Variants in NEK7 observed in about 807,000 individuals in gnomAD.
NEK7 encodes serine/threonine-protein kinase Nek7.
In NEK7, 18 loss-of-function variants were observed where a neutral mutation model predicts 44.6. That is an observed-to-expected ratio of 0.40 (90% CI 0.28 to 0.60). The LOEUF (loss-of-function observed/expected upper bound fraction) is 0.60. Ranked by LOEUF, NEK7 falls within the 20% of genes least tolerant of loss-of-function variation. The probability of loss-of-function intolerance (pLI) is 0.38; values close to 1 mark genes in which losing one functional copy is unlikely to be tolerated. For missense variants in NEK7, 256 were observed against 366.5 expected (o/e 0.70, Z 2.46); for synonymous variants, 130 against 121.1 (o/e 1.07, Z -0.48).
chr1:198,167,734 T>G (rs1264052007), intron 1 of NEK7, among the ~76,000 whole-genome samples: 2 of 152,198 alleles, frequency 1.3e-5, no homozygotes, highest in African/African-American at 4.8e-5. Context: ...ATTACCTACC[T>G]GTAGTTCTCT....
intron 1 of NEK7, among the ~76,000 whole-genome samples, chr1:198,224,684 GTAAA>G (rs2102852981): frequency 6.6e-6 from 1 of 151,814 alleles, no homozygotes; most frequent in Admixed American, 6.6e-5. Context: ...TATGTTATTG[GTAAA>G]TAAATTAGTA....
intron 9 of NEK7, among the ~76,000 whole-genome samples, chr1:198,302,353 CTT>C (rs76569998): frequency 2.9e-4 from 40 of 139,096 alleles, no homozygotes; most frequent in Admixed American, 4.3e-4. Context: ...TGTCCCTCTC[CTT>C]TTTTTTTTTT....
chr1:198,226,519 T>C (rs1379015724), intron 1 of NEK7, among the ~76,000 whole-genome samples: 1 of 151,002 alleles, frequency 6.6e-6, no homozygotes, highest in Admixed American at 6.6e-5. Context: ...CATTCCAGCC[T>C]GGGCGACACA....
intron 5 of NEK7, among the ~76,000 whole-genome samples, chr1:198,271,113 A>G (rs535931168): frequency 2.0e-4 from 30 of 151,916 alleles, no homozygotes; most frequent in Non-Finnish European, 3.8e-4. Context: ...CCAGCAGGAG[A>G]GTTTCTCTGG....
intron 9 of NEK7, 144 bp from the exon 10 acceptor site, chr1:198,319,268 A>G: frequency 5.3e-6 from 3 of 568,272 alleles, no homozygotes; most frequent in Non-Finnish European, 9.4e-6. Flanking sequence ...CAGCAGTCTT[A>G]TATATATTTC....
intron 9 of NEK7, among the ~76,000 whole-genome samples, chr1:198,308,084 A>C (rs1655068126): frequency 6.6e-6 from 1 of 152,158 alleles, no homozygotes; most frequent in Admixed American, 6.5e-5. Flanking sequence ...TTTAAAAATA[A>C]TTGTTAAAAT....
At chr1:198,284,972 T>C (rs111964293) in intron 7 of NEK7, among the ~76,000 whole-genome samples, 2 of 152,280 alleles carry the variant, frequency 1.3e-5, no homozygotes, top group African/African-American at 2.4e-5. Context: ...TTCCTCAGTG[T>C]TGTGGGTACA....
intron 1 of NEK7, among the ~76,000 whole-genome samples, chr1:198,165,013 C>T (rs188314378): frequency 6.5e-4 from 99 of 152,314 alleles, no homozygotes; most frequent in African/African-American, 1.9e-3. Flanking sequence ...CGTCTTAAGA[C>T]GCATTTTCTT....
At chr1:198,222,609 C>G (rs995098904) in intron 1 of NEK7, among the ~76,000 whole-genome samples, 1 of 152,118 alleles carries the variant, frequency 6.6e-6, no homozygotes, top group Admixed American at 6.5e-5. Flanking sequence ...TCTAATCAGT[C>G]ACAAGTCCTA....
At chr1:198,299,190 A>C (rs745907016) in intron 9 of NEK7, among the ~76,000 whole-genome samples, 18 of 152,258 alleles carry the variant, frequency 1.2e-4, no homozygotes, top group South Asian at 4.1e-4. Flanking sequence ...GTTTCTAGGT[A>C]AATGTGGAAA....
chr1:198,182,799 G>C (rs1341141937), intron 1 of NEK7, among the ~76,000 whole-genome samples: 1 of 152,094 alleles, frequency 6.6e-6, no homozygotes, highest in Non-Finnish European at 1.5e-5. Flanking sequence ...AAAAAAAACT[G>C]TGTTGGATAT....
intron 1 of NEK7, among the ~76,000 whole-genome samples, chr1:198,190,864 T>C (rs1224550886): frequency 6.6e-6 from 1 of 152,034 alleles, no homozygotes; most frequent in Non-Finnish European, 1.5e-5. Context: ...TCTAGACTAG[T>C]AGAAGGATTT....
rs1447390581 is a variant in NEK7, at chr1:198,281,618, T to C, written c.589+2557T>C. On this transcript the variant is annotated intron_variant, in intron 7 of 9. Coordinates refer to ENST00000367385, the MANE Select transcript of NEK7 (RefSeq NM_133494.3). ...AATTTAATTTTAAAATGCAAAGATA[T>C]ATAGGATTTTAAAAACATCTTATGC... Among the ~76,000 whole-genome samples, 3 of 152,238 alleles carry C rather than the reference T, an allele frequency of 2.0e-5. No individual in the cohort carries two copies. In the East Asian group the frequency reaches 5.8e-4, roughly 29 times the overall value.
intron 1 of NEK7, among the ~76,000 whole-genome samples, chr1:198,211,510 A>G (rs560954987): frequency 9.9e-5 from 15 of 152,272 alleles, no homozygotes; most frequent in African/African-American, 3.6e-4. Flanking sequence ...CTTACTTTTC[A>G]TTATTTTGAG....
chr1:198,210,625 A>AT (rs981571719), intron 1 of NEK7, among the ~76,000 whole-genome samples: 31 of 147,968 alleles, frequency 2.1e-4, no homozygotes, highest in Non-Finnish European at 3.8e-4. Flanking sequence ...TCTTGATATC[A>AT]TTTTTTCTAG....
intron 9 of NEK7, among the ~76,000 whole-genome samples, chr1:198,301,775 C>T (rs1370164692): frequency 6.6e-6 from 1 of 152,124 alleles, no homozygotes; most frequent in Non-Finnish European, 1.5e-5. Flanking sequence ...AAGCATTTAT[C>T]AAACATTGGA....
intron 1 of NEK7, among the ~76,000 whole-genome samples, chr1:198,209,223 G>A (rs1447987829): frequency 2.7e-5 from 4 of 148,430 alleles, no homozygotes; most frequent in African/African-American, 7.4e-5. Flanking sequence ...CACTATGAAA[G>A]CAAAGACTGC....
intron 1 of NEK7, among the ~76,000 whole-genome samples, chr1:198,215,495 T>A (rs1665891808): frequency 1.3e-5 from 2 of 152,196 alleles, no homozygotes; most frequent in South Asian, 4.1e-4. Context: ...TTTTATTTAT[T>A]TTTATTTTGC....
chr1:198,242,296 C>T (rs1666705566), intron 2 of NEK7, among the ~76,000 whole-genome samples: 3 of 152,078 alleles, frequency 2.0e-5, no homozygotes, highest in Middle Eastern at 3.2e-3. Flanking sequence ...TATCAGAACA[C>T]AGTATGGTGC....
Sources: gnomAD v4.1 joint callset for allele counts (sites outside exome capture counted in the v4.1 genomes callset) on GRCh38, gnomAD v4.1.1 for gene constraint, MANE v1.5 for transcripts, NCBI Gene and HGNC (gene_info 2026-07-23, HGNC 2026-07-21) for gene names.